Variants in CNTNAP2 observed in about 807,000 individuals in gnomAD.
The protein encoded by CNTNAP2 is contactin associated protein 2.
In CNTNAP2, 98 loss-of-function variants were observed where a neutral mutation model predicts 155.2. The ratio of observed to expected loss-of-function variants is 0.63; its 90% CI spans 0.54 to 0.75. The LOEUF (loss-of-function observed/expected upper bound fraction) is 0.75, where lower values mean the gene tolerates loss of function less well. Ranked by LOEUF, CNTNAP2 falls within the 30% of genes least tolerant of loss-of-function variation. CNTNAP2 has a pLI of 0.00. For synonymous variants in CNTNAP2, 651 were observed against 631.2 expected, an observed-to-expected ratio of 1.03 and a Z score of -0.47; for missense variants, 1,727 against 1,688.1, an observed-to-expected ratio of 1.02 and a Z score of -0.40.
intron 10 of CNTNAP2, among the ~76,000 whole-genome samples, chr7:147,421,449 C>G (rs1797288966): frequency 6.6e-6 from 1 of 151,892 alleles, no homozygotes; most frequent in South Asian, 2.1e-4. Context: ...AGCATCCATT[C>G]TATTTTAAAA....
chr7:148,149,894 C>T (rs2116656108), intron 17 of CNTNAP2, among the ~76,000 whole-genome samples: 1 of 152,052 alleles, frequency 6.6e-6, no homozygotes, highest in Admixed American at 6.6e-5. Flanking sequence ...TTGATGACCG[C>T]AGAAACAGAA....
intron 3 of CNTNAP2, among the ~76,000 whole-genome samples, chr7:146,979,750 C>T (rs932564517): frequency 3.9e-5 from 6 of 152,092 alleles, no homozygotes; most frequent in African/African-American, 1.4e-4. Flanking sequence ...ATTATGAGGG[C>T]ACCAAGAGGG....
At chr7:147,203,129 A>C (rs1391366415) in intron 8 of CNTNAP2, among the ~76,000 whole-genome samples, 1 of 152,170 alleles carries the variant, frequency 6.6e-6, no homozygotes, top group Non-Finnish European at 1.5e-5. Flanking sequence ...ATTAATAGGT[A>C]AACTTAGTTT....
Position 146,427,057 on chromosome 7 carries a change from T to C in CNTNAP2, c.97+310084T>C, listed in dbSNP as rs1027386841. Among the ~76,000 whole-genome samples, 5 of 152,162 alleles carry C rather than the reference T, an allele frequency of 3.3e-5. No homozygotes were observed. The East Asian group carries it at 7.7e-4, about 23-fold the overall frequency. On this transcript the variant is annotated intron_variant, in intron 1 of 23. Transcript: ENST00000361727. The stretch of plus-strand genomic sequence containing the variant: ...AGTAAAAAGAAAACAAAAACTATTA[T>C]AGTTAAGTGCTTCCACATATTAAAT...
intron 14 of CNTNAP2, among the ~76,000 whole-genome samples, chr7:147,932,492 C>T (rs1800524381): frequency 6.6e-6 from 1 of 152,144 alleles, no homozygotes; most frequent in African/African-American, 2.4e-5. Flanking sequence ...AGTGTTGGGG[C>T]ATTGTATATC....
At chr7:147,182,643 G>T (rs1274970012) in intron 8 of CNTNAP2, among the ~76,000 whole-genome samples, 1 of 151,608 alleles carries the variant, frequency 6.6e-6, no homozygotes, top group African/African-American at 2.4e-5. Context: ...CTTTTATGTG[G>T]CTATAGAACA....
chr7:147,881,904 G>A (rs933321663), intron 13 of CNTNAP2, among the ~76,000 whole-genome samples: 17 of 151,936 alleles, frequency 1.1e-4, no homozygotes, highest in Non-Finnish European at 1.5e-4. Context: ...CCTGGGAAGC[G>A]GAGGTTGCAG....
At chr7:147,532,980 T>C (rs966751051) in intron 11 of CNTNAP2, among the ~76,000 whole-genome samples, 3 of 152,170 alleles carry the variant, frequency 2.0e-5, no homozygotes, top group Non-Finnish European at 4.4e-5. Flanking sequence ...TATTAAATAA[T>C]ATGATTCCTG....
At chr7:147,295,330 T>A (rs1563149923) in intron 8 of CNTNAP2, among the ~76,000 whole-genome samples, 1 of 152,034 alleles carries the variant, frequency 6.6e-6, no homozygotes, top group South Asian at 2.1e-4. Flanking sequence ...AAAACTCTGA[T>A]CATGGATGCA....
At chr7:146,181,107 A>C (rs1243050582) in intron 1 of CNTNAP2, among the ~76,000 whole-genome samples, 1 of 152,202 alleles carries the variant, frequency 6.6e-6, no homozygotes, top group Admixed American at 6.5e-5. Flanking sequence ...ATTTGAATGC[A>C]TATGCTTCTG....
In CNTNAP2 at chr7:147,850,694, A is replaced by G. The variant is rs556319368; in HGVS notation, c.2099-52871A>G. 7.2e-5 allele frequency among the ~76,000 whole-genome samples: 11 copies of G among 152,304 alleles called. No individual in the cohort carries two copies. In the South Asian group the frequency reaches 1.4e-3, roughly 20 times the overall value. ...GGAAAAGATTCCCTGTTTAATAAAT[A>G]GTGCTGGGAAAACTGGCTAGCCATA... On this transcript the variant is annotated intron_variant, in intron 13 of 23. Coordinates refer to ENST00000361727, the MANE Select transcript of CNTNAP2 (RefSeq NM_014141.6).
At chr7:148,274,687 C>T (rs754576023) in intron 21 of CNTNAP2, among the ~76,000 whole-genome samples, 3 of 152,190 alleles carry the variant, frequency 2.0e-5, no homozygotes, top group African/African-American at 4.8e-5. Context: ...TCCCCAGAAG[C>T]AGATGCCAGT....
intron 2 of CNTNAP2, among the ~76,000 whole-genome samples, chr7:146,792,497 G>T (rs543016433): frequency 3.3e-5 from 5 of 152,264 alleles, no homozygotes; most frequent in African/African-American, 1.2e-4. Context: ...TACAGGTCAG[G>T]ACCTGGAAAG....
At chr7:147,290,036 G>A (rs10085764) in intron 8 of CNTNAP2, among the ~76,000 whole-genome samples, 70,342 of 151,886 alleles carry the variant, frequency 0.46, 16,854 homozygotes, top group East Asian at 0.71. Context: ...GTTATGTTCT[G>A]TATAGTCACT....
At chr7:146,661,150 A>G (rs73166341) in intron 1 of CNTNAP2, among the ~76,000 whole-genome samples, 6,371 of 152,164 alleles carry the variant, frequency 0.042, 189 homozygotes, top group East Asian at 0.099. Context: ...TCTCCCAAAA[A>G]CACACTCTCC....
chr7:147,960,591 C>T (rs1314259296), intron 14 of CNTNAP2, among the ~76,000 whole-genome samples: 4 of 152,086 alleles, frequency 2.6e-5, no homozygotes, highest in Admixed American at 1.3e-4. Context: ...TGTAATTGTA[C>T]AATAGTGACA....
Position 146,845,138 on chromosome 7 carries a change from A to G in CNTNAP2, c.402+5234A>G, listed in dbSNP as rs141389355. Among the ~76,000 whole-genome samples the G allele has an allele frequency of 5.4e-4, 82 of 152,340 alleles. 2 individuals are homozygous for G. The highest frequency in any genetic ancestry group is 3.8e-4 in the African/African-American group (16 of 41,594). On this transcript the variant is annotated intron_variant, in intron 3 of 23. Coordinates refer to ENST00000361727, the MANE Select transcript of CNTNAP2 (RefSeq NM_014141.6). ...TTCAAAAATCTAGAAGACAAATACA[A>G]TAGTTGGCAGTTTCATTTATGAAAC...
chr7:148,184,301 G>T (rs1314883456), intron 18 of CNTNAP2, among the ~76,000 whole-genome samples: 1 of 152,146 alleles, frequency 6.6e-6, no homozygotes, highest in Non-Finnish European at 1.5e-5. Context: ...AAATTGACAT[G>T]TAAATAAGTT....
rs142152028 is a variant in CNTNAP2 at position 146,442,215 on chromosome 7, G to C, written c.97+325242G>C. Among the ~76,000 whole-genome samples the C allele has an allele frequency of 1.7e-3, 264 of 151,652 alleles. 13 individuals are homozygous for C. The highest frequency in any genetic ancestry group is 6.2e-3 in the African/African-American group (253 of 41,010). ...CAAGTTATTTTTCTTTTACACTTTA[G>C]AAGGGTTCATCCTTATCTTCTTGCA... On this transcript the variant is annotated intron_variant, in intron 1 of 23. Transcript: ENST00000361727.
Sources: gnomAD v4.1 joint callset for allele counts (sites outside exome capture counted in the v4.1 genomes callset) on GRCh38, gnomAD v4.1.1 for gene constraint, MANE v1.5 for transcripts, NCBI Gene and HGNC (gene_info 2026-07-23, HGNC 2026-07-21) for gene names.